Variants in CHD5 observed in about 807,000 individuals in gnomAD.
CHD5 encodes the protein ATP-dependent chromatin remodeler CHD5.
A neutral mutation model predicts 230.3 loss-of-function variants in CHD5; 69 were observed. That is an observed-to-expected ratio of 0.30 (90% CI 0.25 to 0.37). CHD5 has a LOEUF of 0.37. CHD5 is among the 10% of genes least tolerant of loss of function. CHD5 has a pLI of 1.00. For synonymous variants in CHD5, 1,064 were observed against 1,065.9 expected (o/e 1.00, Z 0.03); for missense variants, 1,827 against 2,622.8 (o/e 0.70, Z 6.63).
chr1:6,157,551 G>A (rs975521727), intron 3 of CHD5, among the ~76,000 whole-genome samples: 1 of 152,186 alleles, frequency 6.6e-6, no homozygotes, highest in East Asian at 1.9e-4. Context: ...TTCTGCTCCT[G>A]CAACAGGAGG....
In CHD5 at chr1:6,128,543, T is replaced by C. The variant is rs1429123770; in HGVS notation, c.3686A>G (p.Asn1229Ser). 7 of 1,614,126 alleles carry C rather than the reference T, an allele frequency of 4.3e-6. No individual in the cohort carries two copies. Among genetic ancestry groups the C allele is most frequent in the South Asian group, 1.1e-5 (1 of 91,076 alleles). The change falls in exon 24 of 42, where the codon AAC becomes AGC. Residue 1229 changes from asparagine (N) to serine (S), a missense_variant. Transcript: ENST00000262450. This position sits in a 1 kb window ranked among gnomAD's most constrained non-coding sequence, Gnocchi z 7.8. Reference sequence around the variant, plus strand: ...CTTCTTCTTTGCACTGGCGGCCAAGTTCCCCCCTTTGGAGGACTGGACATC... The same window carrying C: ...CTTCTTCTTTGCACTGGCGGCCAAGCTCCCCCCTTTGGAGGACTGGACATC... ...IPDVQSSKGG[N>S]LAASAKKKHG... is the part of the protein sequence containing the mutation.
intron 9 of CHD5, among the ~76,000 whole-genome samples, chr1:6,147,382 C>T (rs749952328): frequency 1.3e-5 from 2 of 152,218 alleles, no homozygotes; most frequent in Non-Finnish European, 2.9e-5. Flanking sequence ...GGCAGGGCTG[C>T]ACCCAGGCAC....
At chr1:6,149,458 C>T (rs751735899) in intron 7 of CHD5, 46 bp from the exon 8 acceptor site, 2 of 1,555,826 alleles carry the variant, frequency 1.3e-6, no homozygotes, top group Non-Finnish European at 1.7e-6. Flanking sequence ...TCCACACTCC[C>T]AGCACACAAC....
intron 15 of CHD5, among the ~76,000 whole-genome samples, chr1:6,140,874 C>A (rs1183536398): frequency 6.6e-6 from 1 of 151,756 alleles, no homozygotes; most frequent in East Asian, 1.9e-4. Flanking sequence ...GTGGTGTGTA[C>A]CTGTAGTCCC....
At chr1:6,120,918 T>A (rs1571143900) in intron 33 of CHD5, among the ~76,000 whole-genome samples, 187 bp downstream of exon 33, 1 of 147,644 alleles carries the variant, frequency 6.8e-6, no homozygotes, top group Non-Finnish European at 1.5e-5. Context: ...AAAAAAAAAG[T>A]CCATTAAGTC....
At position 6,134,434 on chromosome 1, in the gene CHD5, G is replaced by A. The variant is rs75773968; in HGVS notation, c.3013-175C>T. 2.0e-5 allele frequency among the ~76,000 whole-genome samples: 3 copies of A among 152,152 alleles called. No individual in the cohort carries two copies. Among genetic ancestry groups the A allele is most frequent in the Admixed American group, 6.5e-5 (1 of 15,280 alleles). ...CAGGCCCCACAGTGCGGGGTAGACC[G>A]TGGGTCCCACGGCCCTGGCTCCAGG... On this transcript the variant is annotated intron_variant, in intron 19 of 41. Coordinates refer to ENST00000262450, the MANE Select transcript of CHD5 (RefSeq NM_015557.3). The surrounding 1 kb of genome is among the most constrained non-coding windows in gnomAD (Gnocchi z 6.3).
rs1248103537 is a variant in CHD5, at chr1:6,103,629, A to G, written c.*1845T>C. ...TTTGCCAGGAGGCACCGCAGAGCAC[A>G]CAACACGCATGTGGATGAACCATAA... On this transcript the variant is annotated 3_prime_UTR_variant, in exon 42 of 42. Transcript: ENST00000262450. The G allele has an allele frequency of 6.6e-6, 1 of 152,316 alleles. No individual in the cohort carries two copies. The highest frequency in any genetic ancestry group is 6.5e-5 in the Admixed American group (1 of 15,286). The allele number at this position is 152,316 out of a possible 1,614,324, so 9.4% of individuals were successfully genotyped here. A position where few individuals can be genotyped will look rare whatever the true frequency, so the allele number is the denominator to read the frequency against.
At position 6,151,100 on chromosome 1, in the gene CHD5, G is replaced by A; in HGVS notation, c.926C>T (p.Ala309Val). ...TGCAGAGCATTCGGAGCGCACGGAG[G>A]CACTGTGGATGCTGGCGCTGTCGAA... ...SDFDSASIHSASVRSECSAAL... is the reference protein window; with the variant it reads ...SDFDSASIHSVSVRSECSAAL... Residue 309 changes from alanine to valine, a missense_variant, in exon 7 of 42, where the codon GCC (alanine) becomes GTC (valine). By Grantham distance (64) the Ala-to-Val change is moderately conservative. This residue lies in a region of CHD5 where 657 missense variants were observed against 816.4 expected (regional missense o/e 0.80). Transcript: ENST00000262450. 6.2e-7 allele frequency: 1 copy of A among 1,609,860 alleles called. No individual in the cohort carries two copies.
chr1:6,125,265 A>C lies in CHD5; in HGVS notation c.4261-32T>G, dbSNP rs1666536464. The C allele has an allele frequency of 4.6e-6, 6 of 1,299,834 alleles. No homozygotes were observed. The highest frequency in any genetic ancestry group is 5.4e-6 in the Non-Finnish European group (5 of 926,730). 80.5% of individuals were successfully genotyped at this position (1,299,834 alleles called of 1,614,324 possible). Reference sequence around the variant, plus strand: ...GAGTGGAGCGTGGGAGTATGAGCCCAGGACAGAGAGGGGTGGGGGTGGAGG... The same window carrying C: ...GAGTGGAGCGTGGGAGTATGAGCCCCGGACAGAGAGGGGTGGGGGTGGAGG... On this transcript the variant is annotated intron_variant, in intron 28 of 41. Transcript: ENST00000262450. This position sits in a 1 kb window ranked among gnomAD's most constrained non-coding sequence, Gnocchi z 6.7.
chr1:6,115,718 C>T (rs780030100), intron 33 of CHD5, among the ~76,000 whole-genome samples: 48 of 152,108 alleles, frequency 3.2e-4, no homozygotes, highest in Non-Finnish European at 5.7e-4. Context: ...TGGACTTTTC[C>T]CCAGGGCCTC....
At chr1:6,139,226 G>T (rs1666790955) in intron 15 of CHD5, among the ~76,000 whole-genome samples, 2 of 146,288 alleles carry the variant, frequency 1.4e-5, no homozygotes, top group Non-Finnish European at 3.0e-5. Context: ...TTCTGTTGTT[G>T]TTTTGTTGTT....
Position 6,125,732 on chromosome 1 carries a change from A to C in CHD5, c.4171+34T>G. The C allele has an allele frequency of 6.3e-7, 1 of 1,593,658 alleles. No homozygotes were observed. The highest frequency in any genetic ancestry group is 1.1e-5 in the South Asian group (1 of 90,644). ...CCATCAGCTCCCCTGACATGGCCTC[A>C]GCAGTAGCCCAGACCACTAACACTG... On this transcript the variant is annotated intron_variant, in intron 27 of 41. Coordinates refer to ENST00000262450, the MANE Select transcript of CHD5 (RefSeq NM_015557.3). This position sits in a 1 kb window ranked among gnomAD's most constrained non-coding sequence, Gnocchi z 6.7.
intron 33 of CHD5, among the ~76,000 whole-genome samples, chr1:6,116,504 T>C (rs909967140): frequency 6.6e-6 from 1 of 152,160 alleles, no homozygotes; most frequent in Non-Finnish European, 1.5e-5. Context: ...TGAAGCTACA[T>C]ATCACCAAAG....
intron 1 of CHD5, among the ~76,000 whole-genome samples, chr1:6,179,226 A>G (rs2100893378): frequency 6.6e-6 from 1 of 152,292 alleles, no homozygotes; most frequent in Admixed American, 6.5e-5. Context: ...GTGGGCTGGG[A>G]ACGGCCACCA....
intron 9 of CHD5, among the ~76,000 whole-genome samples, chr1:6,148,528 G>A (rs1370722135): frequency 3.9e-5 from 6 of 152,354 alleles, no homozygotes; most frequent in South Asian, 2.1e-4. Context: ...AATGTTAAAG[G>A]ACACTATGAT....
chr1:6,130,323 C>T lies in CHD5; in HGVS notation c.3268G>A (p.Gly1090Arg), dbSNP rs774559118. Residue 1090 changes from glycine (G) to arginine (R), a missense_variant, in exon 22 of 42, where the codon GGG becomes AGG. By Grantham distance (125) the Gly-to-Arg change is moderately radical. Around this residue, in one of 14 missense-constraint regions of CHD5, gnomAD observed 81 missense variants for 245.4 expected, o/e 0.33. Coordinates refer to ENST00000262450, the MANE Select transcript of CHD5 (RefSeq NM_015557.3). The surrounding 1 kb of genome is among the most constrained non-coding windows in gnomAD (Gnocchi z 4.9). ...AGGAGGAAGCAGAACTGCTGGGCCC[C>T]GGGGGCTGAAAAAGAGAGGCCAGCA... ...QEAIDRFNAP[G>R]AQQFCFLLST... 7.4e-6 allele frequency: 12 copies of T among 1,612,714 alleles called. No individual in the cohort carries two copies. Among genetic ancestry groups the T allele is most frequent in the East Asian group, 2.2e-5 (1 of 44,804 alleles).
In CHD5 at chr1:6,129,158, T is replaced by C; in HGVS notation, c.3388-89A>G. ...CACCCATGAGCTCAAGAGCATGGAA[T>C]GGGCTGCATGACTGTGTAGGGAAAG... On this transcript the variant is annotated intron_variant, in intron 22 of 41. Coordinates refer to ENST00000262450, the MANE Select transcript of CHD5 (RefSeq NM_015557.3). This position sits in a 1 kb window ranked among gnomAD's most constrained non-coding sequence, Gnocchi z 6.8. 1.2e-6 allele frequency: 1 copy of C among 867,886 alleles called. No homozygotes were observed. The highest frequency in any genetic ancestry group is 1.8e-6 in the Non-Finnish European group (1 of 547,122). The allele number at this position is 867,886 out of a possible 1,614,324, so 53.8% of individuals were successfully genotyped here. A position where few individuals can be genotyped will look rare whatever the true frequency, so the allele number is the denominator to read the frequency against.
In CHD5 at chr1:6,128,953, G is replaced by T. The variant is rs147556218; in HGVS notation, c.3504C>A (p.Leu1168=). Residue 1168 remains leucine, a synonymous_variant, in exon 23 of 42, where the codon CTC becomes CTA. Transcript: ENST00000262450. This position sits in a 1 kb window ranked among gnomAD's most constrained non-coding sequence, Gnocchi z 7.8. ...ITQVAKRKMM[L]THLVVRPGLG... is the part of the protein sequence containing the mutation. ...GGCCGGGCCGCACCACCAGGTGGGT[G>T]AGCATCATCTTGCGCTTGGCCACCT... The T allele has an allele frequency of 6.2e-7, 1 of 1,613,194 alleles. No homozygotes were observed. The highest frequency in any genetic ancestry group is 8.5e-7 in the Non-Finnish European group (1 of 1,179,994).
At position 6,121,185 on chromosome 1, in the gene CHD5, G is replaced by A; in HGVS notation, c.4832C>T (p.Pro1611Leu). The A allele has an allele frequency of 6.2e-7, 1 of 1,614,000 alleles. No homozygotes were observed. Among genetic ancestry groups the A allele is most frequent in the Non-Finnish European group, 8.5e-7 (1 of 1,179,954 alleles). Reference protein sequence around the residue: ...RVESEDKHESPASKERAREER... With the variant: ...RVESEDKHESLASKERAREER... ...CTCTCGGGCTCTCTCCTTGCTGGCTGGGCTCTCGTGCTTGTCCTCACTCTC... is the reference window on the plus strand; with the variant it reads ...CTCTCGGGCTCTCTCCTTGCTGGCTAGGCTCTCGTGCTTGTCCTCACTCTC... The change falls in exon 33 of 42, where the codon CCA becomes CTA. Residue 1611 changes from proline to leucine, a missense_variant. Pro to Leu is a moderately conservative substitution (Grantham distance 98). Around this residue, in one of 14 missense-constraint regions of CHD5, gnomAD observed 272 missense variants for 263.2 expected, o/e 1.03. Coordinates refer to ENST00000262450, the MANE Select transcript of CHD5 (RefSeq NM_015557.3). This position sits in a 1 kb window ranked among gnomAD's most constrained non-coding sequence, Gnocchi z 4.5.
Sources: allele counts gnomAD v4.1 joint callset (sites outside exome capture counted in the v4.1 genomes callset), GRCh38; gene constraint gnomAD v4.1.1; regional missense constraint gnomAD v4.1.1; non-coding constraint Gnocchi (gnomAD v3.1); transcripts MANE v1.5; gene names NCBI Gene and HGNC (gene_info 2026-07-23, HGNC 2026-07-21).